EIF4H: variants seen among roughly 807,000 people sequenced by gnomAD.
The protein encoded by EIF4H is Williams-Beuren syndrome chromosome region 1.
In EIF4H, 8 loss-of-function variants were observed where a neutral mutation model predicts 30.6. The observed-to-expected ratio is 0.26, with a 90% CI of 0.15 to 0.47. The LOEUF is 0.47. EIF4H is among the 20% of genes least tolerant of loss of function. The probability of loss-of-function intolerance (pLI) is 0.99; values close to 1 mark genes in which losing one functional copy is unlikely to be tolerated. For synonymous variants in EIF4H, 106 were observed against 122.7 expected, an observed-to-expected ratio of 0.86 and a Z score of 0.90; for missense variants, 188 against 339.5, an observed-to-expected ratio of 0.55 and a Z score of 3.51.
intron 1 of EIF4H, chr7:74,183,840 T>C (rs1584178301): frequency 6.6e-6 from 1 of 152,292 alleles, no homozygotes; most frequent in South Asian, 2.1e-4. Context: ...GTGGACACTT[T>C]ACCAGTGCTA....
rs1365555175 is a variant in EIF4H, at chr7:74,186,820, T to A, written c.60-791T>A. ...TTTTTTTTTTTTTTTTTTTTTTTTT[T>A]TTTTTTTTTTTTTTTTTTTTGAGAC... On this transcript the variant is annotated intron_variant, in intron 1 of 6. Transcript: ENST00000265753. Among the ~76,000 whole-genome samples, 28 of 84,176 alleles carry A rather than the reference T, an allele frequency of 3.3e-4. 2 individuals are homozygous for A. Among genetic ancestry groups the A allele is most frequent in the South Asian group, 1.3e-3 (3 of 2,320 alleles). 55.2% of individuals were successfully genotyped at this position (84,176 alleles called of 152,430 possible).
At chr7:74,191,017 A>G (rs1036003094) in intron 5 of EIF4H, among the ~76,000 whole-genome samples, 2 of 152,202 alleles carry the variant, frequency 1.3e-5, no homozygotes, top group African/African-American at 2.4e-5. Context: ...TGTGCTGTCA[A>G]TGCTGTGCTG....
chr7:74,186,227 CTT>C (rs5884935), intron 1 of EIF4H, among the ~76,000 whole-genome samples: 14 of 143,088 alleles, frequency 9.8e-5, no homozygotes, highest in Admixed American at 1.4e-4. Flanking sequence ...ATTCTGATGT[CTT>C]TTTTTTTTTT....
intron 1 of EIF4H, among the ~76,000 whole-genome samples, chr7:74,184,836 A>G (rs1435477830): frequency 6.6e-6 from 1 of 152,012 alleles, no homozygotes; most frequent in Non-Finnish European, 1.5e-5. Context: ...GTGTGCTACC[A>G]CACCTGGCTA....
chr7:74,193,322 G>A (rs782207467), intron 5 of EIF4H, among the ~76,000 whole-genome samples: 2 of 152,198 alleles, frequency 1.3e-5, no homozygotes, highest in Non-Finnish European at 2.9e-5. Flanking sequence ...AGCTGGGATC[G>A]TCGCATCTGT....
At chr7:74,178,960 C>T (rs1800898304) in intron 1 of EIF4H, among the ~76,000 whole-genome samples, 1 of 151,940 alleles carries the variant, frequency 6.6e-6, no homozygotes, top group African/African-American at 2.4e-5. Context: ...CATGGCCTTC[C>T]AGTTCAGGGC....
chr7:74,195,155 T>C lies in EIF4H; in HGVS notation c.608-14T>C. The C allele has an allele frequency of 2.5e-6, 4 of 1,613,302 alleles. No homozygotes were observed. Among genetic ancestry groups the C allele is most frequent in the Non-Finnish European group, 3.4e-6 (4 of 1,179,472 alleles). On this transcript the variant is annotated splice_polypyrimidine_tract_variant and intron_variant, in intron 6 of 6. Coordinates refer to ENST00000265753, the MANE Select transcript of EIF4H (RefSeq NM_022170.2). ...GGATCCACACTCTGACAAACTCTGC[T>C]TTTTCTCCCCCAGAGGAAAGAGCAC... is the stretch of plus-strand genomic sequence containing the variant.
intron 1 of EIF4H, among the ~76,000 whole-genome samples, chr7:74,185,983 A>T (rs1801071471): frequency 6.6e-6 from 1 of 152,150 alleles, no homozygotes; most frequent in Non-Finnish European, 1.5e-5. Context: ...GAAATTTTCA[A>T]ATCTACAATA....
At chr7:74,190,109 G>C in intron 4 of EIF4H, 138 bp from the exon 5 acceptor site, 1 of 1,120,674 alleles carries the variant, frequency 8.9e-7, no homozygotes, top group Non-Finnish European at 1.3e-6. Flanking sequence ...TTTGTTTTCT[G>C]TTGGAAGCAA....
intron 1 of EIF4H, among the ~76,000 whole-genome samples, chr7:74,182,032 A>G (rs954526507): frequency 6.6e-6 from 1 of 152,060 alleles, no homozygotes. Context: ...TACTTTTCAT[A>G]CTTGAGTATG....
intron 1 of EIF4H, among the ~76,000 whole-genome samples, chr7:74,176,927 A>C (rs1163868499): frequency 1.3e-5 from 2 of 152,218 alleles, no homozygotes; most frequent in East Asian, 3.8e-4. Flanking sequence ...ATTGGCAGTA[A>C]AGTGCAGAGT....
At position 74,194,625 on chromosome 7, in the gene EIF4H, T is replaced by G; in HGVS notation, c.470-116T>G. The G allele has an allele frequency of 1.4e-6, 2 of 1,390,800 alleles. 1 individual carries two copies. Among genetic ancestry groups the G allele is most frequent in the South Asian group, 3.4e-5 (2 of 58,948 alleles). 86.2% of individuals were successfully genotyped at this position (1,390,800 alleles called of 1,614,324 possible). A position where few individuals can be genotyped will look rare whatever the true frequency, so the allele number is the denominator to read the frequency against. ...CACTTTATTTTGGAGAGACTTCAGA[T>G]AGTGGACAAACTAAAGAATTTAAAA... On this transcript the variant is annotated intron_variant, in intron 5 of 6. Transcript: ENST00000265753.
At chr7:74,188,638 T>G (rs1218740200) in intron 2 of EIF4H, among the ~76,000 whole-genome samples, 6 of 152,136 alleles carry the variant, frequency 3.9e-5, no homozygotes, top group African/African-American at 1.4e-4. Flanking sequence ...CAGTTACACT[T>G]GTGAAGTAAG....
rs1468450699 is a variant in EIF4H, at chr7:74,196,547, G to C, written c.*1239G>C. ...TAGGCTTTTGAGCTTGAACGCCTGC[G>C]TGTGAACAGATGAAAAATCCTTCAG... is the stretch of plus-strand genomic sequence containing the variant. On this transcript the variant is annotated 3_prime_UTR_variant, in exon 7 of 7. Coordinates refer to ENST00000265753, the MANE Select transcript of EIF4H (RefSeq NM_022170.2). 2 of 152,104 alleles carry C rather than the reference G, an allele frequency of 1.3e-5. No individual in the cohort carries two copies. Among genetic ancestry groups the C allele is most frequent in the African/African-American group, 4.8e-5 (2 of 41,416 alleles). 9.4% of individuals were successfully genotyped at this position (152,104 alleles called of 1,614,324 possible).
intron 1 of EIF4H, among the ~76,000 whole-genome samples, chr7:74,183,289 G>A (rs1801006497): frequency 6.6e-6 from 1 of 152,190 alleles, no homozygotes; most frequent in Non-Finnish European, 1.5e-5. Context: ...TTGCAGCACA[G>A]ACCTTGACTT....
chr7:74,190,152 T>G, intron 4 of EIF4H, 95 bp from the exon 5 acceptor site: 1 of 1,254,658 alleles, frequency 8.0e-7, no homozygotes, highest in Non-Finnish European at 1.1e-6. Context: ...GAACCTTCCA[T>G]CACTTGAGTT....
In EIF4H at chr7:74,190,306, G is replaced by A. The variant is rs782389714; in HGVS notation, c.469G>A (p.Gly157Ser). The A allele has an allele frequency of 5.6e-6, 9 of 1,613,844 alleles. No individual in the cohort carries two copies. The African/African-American group carries it at 1.2e-4, about 22-fold the overall frequency. ...GGATTCCCGGGATGACTTCAATTCT[G>A]GTATCAGTATTTAAAGTATCACCAC... ...GWDSRDDFNS[G>S]FRDDFLGGRG... The change falls in exon 5 of 7, where the codon GGC becomes AGC. Residue 157 changes from glycine (G) to serine (S), a missense_variant and splice_region_variant. By Grantham distance (56) the Gly-to-Ser change is moderately conservative. Around this residue, in one of 4 missense-constraint regions of EIF4H, gnomAD observed 76 missense variants for 85.8 expected, o/e 0.89. Coordinates refer to ENST00000265753, the MANE Select transcript of EIF4H (RefSeq NM_022170.2).
rs1801352277 is a variant in EIF4H, at chr7:74,196,354, T to G, written c.*1046T>G. Reference sequence around the variant, plus strand: ...GTTCAGAGCCAAAATGGGTCTAGAATCTGGCACTTTACTCATTTCCTTTGA... The same window carrying G: ...GTTCAGAGCCAAAATGGGTCTAGAAGCTGGCACTTTACTCATTTCCTTTGA... On this transcript the variant is annotated 3_prime_UTR_variant, in exon 7 of 7. Coordinates refer to ENST00000265753, the MANE Select transcript of EIF4H (RefSeq NM_022170.2). 1 of 152,682 alleles carries G rather than the reference T, an allele frequency of 6.5e-6. No homozygotes were observed. Among genetic ancestry groups the G allele is most frequent in the Non-Finnish European group, 1.5e-5 (1 of 68,070 alleles). The allele number at this position is 152,682 out of a possible 1,614,324, so 9.5% of individuals were successfully genotyped here.
At chr7:74,188,973 A>AAAGATGAAGTGTGATTATT (rs1801147081) in intron 2 of EIF4H, among the ~76,000 whole-genome samples, 1 of 152,134 alleles carries the variant, frequency 6.6e-6, no homozygotes, top group Non-Finnish European at 1.5e-5. Flanking sequence ...AGTGGGCTTC[A>AAAGATGAAGTGTGATTATT]AAGATGAAGT....
Sources: allele counts gnomAD v4.1 joint callset (sites outside exome capture counted in the v4.1 genomes callset), GRCh38; gene constraint gnomAD v4.1.1; regional missense constraint gnomAD v4.1.1; transcripts MANE v1.5; gene names NCBI Gene and HGNC (gene_info 2026-07-23, HGNC 2026-07-21).